The following PLEKHA8 variants were observed in gnomAD, a reference collection of about 807,000 sequenced individuals.
The protein encoded by PLEKHA8 is pleckstrin homology domain containing A8.
A neutral mutation model predicts 68.2 loss-of-function variants in PLEKHA8; 36 were observed. The ratio of observed to expected loss-of-function variants is 0.53; its 90% CI spans 0.40 to 0.70. The LOEUF (loss-of-function observed/expected upper bound fraction) is 0.70, where lower values mean the gene tolerates loss of function less well. Among genes scored for constraint, PLEKHA8 ranks in the 30% least tolerant of loss-of-function variants. PLEKHA8 has a pLI of 0.00. For missense variants in PLEKHA8, 505 were observed against 615.4 expected, an observed-to-expected ratio of 0.82 and a Z score of 1.90; for synonymous variants, 211 against 216.1, an observed-to-expected ratio of 0.98 and a Z score of 0.20.
chr7:30,049,068 A>G (rs1192377741), intron 4 of PLEKHA8, 156 bp from the exon 5 acceptor site: 5 of 821,716 alleles, frequency 6.1e-6, no homozygotes, highest in Non-Finnish European at 9.7e-6. Flanking sequence ...TACTTGATTA[A>G]TAGATAAATT....
At chr7:30,047,215 C>CT (rs554197998) in intron 3 of PLEKHA8, among the ~76,000 whole-genome samples, 21 of 149,326 alleles carry the variant, frequency 1.4e-4, no homozygotes, top group East Asian at 2.0e-4. Context: ...GTAATGTGCA[C>CT]TTTTTTTTTT....
intron 9 of PLEKHA8, 33 bp downstream of exon 9, chr7:30,055,375 A>C (rs181057965): frequency 3.8e-6 from 6 of 1,580,538 alleles, no homozygotes; most frequent in Non-Finnish European, 5.2e-6. Flanking sequence ...ACATTCATTC[A>C]TGTCTAGAAT....
chr7:30,114,549 T>C (rs1441782647), intron 13 of PLEKHA8, among the ~76,000 whole-genome samples: 2 of 152,260 alleles, frequency 1.3e-5, no homozygotes, highest in African/African-American at 2.4e-5. Context: ...TTAAGCATGT[T>C]TATTTTACAT....
intron 1 of PLEKHA8, among the ~76,000 whole-genome samples, chr7:30,040,684 G>A (rs1791462470): frequency 6.6e-6 from 1 of 152,134 alleles, no homozygotes; most frequent in African/African-American, 2.4e-5. Context: ...TGTCAAGTAT[G>A]CTTTCTGTAG....
intron 7 of PLEKHA8, 118 bp from the exon 8 acceptor site, chr7:30,054,591 T>G (rs1015053565): frequency 6.3e-6 from 4 of 630,080 alleles, no homozygotes; most frequent in African/African-American, 5.8e-5. Flanking sequence ...ATGTGAATAG[T>G]GTTTCATGAA....
intron 13 of PLEKHA8, among the ~76,000 whole-genome samples, chr7:30,125,763 A>C (rs965007723): frequency 6.6e-6 from 1 of 152,084 alleles, no homozygotes; most frequent in African/African-American, 2.4e-5. Context: ...CTACTGCTGA[A>C]TCTCTTTACT....
intron 9 of PLEKHA8, among the ~76,000 whole-genome samples, chr7:30,055,587 A>G (rs1207201387): frequency 1.3e-5 from 2 of 152,240 alleles, no homozygotes; most frequent in Non-Finnish European, 2.9e-5. Flanking sequence ...GGATCTTTCT[A>G]GAAACCATAC....
rs1013394471 is a variant in PLEKHA8, at chr7:30,028,421, T to C, written c.-342T>C. 4.1e-6 allele frequency: 1 copy of C among 245,524 alleles called. No individual in the cohort carries two copies. Among genetic ancestry groups the C allele is most frequent in the Non-Finnish European group, 7.8e-6 (1 of 128,370 alleles). The allele number at this position is 245,524 out of a possible 1,614,324, so 15.2% of individuals were successfully genotyped here. A position where few individuals can be genotyped will look rare whatever the true frequency, so the allele number is the denominator to read the frequency against. On this transcript the variant is annotated 5_prime_UTR_variant, in exon 1 of 14. Coordinates refer to ENST00000449726, the MANE Select transcript of PLEKHA8 (RefSeq NM_001197026.2). ...AGTCGAGGGTTCAGGTGGTGCGCCG[T>C]GGCGCCGCCTGCGACCGGCAGCTCG...
chr7:30,052,296 C>G (rs1241156295), intron 6 of PLEKHA8, among the ~76,000 whole-genome samples: 1 of 152,162 alleles, frequency 6.6e-6, no homozygotes, highest in East Asian at 1.9e-4. Context: ...CTTGATTTAA[C>G]AATTCTTTCA....
chr7:30,107,985 C>G (rs1796124351), intron 13 of PLEKHA8, among the ~76,000 whole-genome samples: 1 of 145,894 alleles, frequency 6.9e-6, no homozygotes, highest in Non-Finnish European at 1.5e-5. Flanking sequence ...AGGAGAATCA[C>G]TTGAACCCAG....
Position 30,062,042 on chromosome 7 carries a change from G to A in PLEKHA8, c.1229+15G>A, listed in dbSNP as rs111739900. ...TGGCTGAAGAGGTGAGGCAGCTGGG[G>A]TGGGACAGCAGTTAAAATCTAGCTC... On this transcript the variant is annotated intron_variant, in intron 11 of 13. Transcript: ENST00000449726. 15 of 1,603,434 alleles carry A rather than the reference G, an allele frequency of 9.4e-6. No individual in the cohort carries two copies. The African/African-American group carries it at 1.5e-4, about 16-fold the overall frequency.
At chr7:30,051,925 A>T (rs1280639716) in intron 6 of PLEKHA8, among the ~76,000 whole-genome samples, 1 of 152,164 alleles carries the variant, frequency 6.6e-6, no homozygotes, top group Non-Finnish European at 1.5e-5. Context: ...GTGAGCCAAG[A>T]TCACACCATT....
chr7:30,076,242 A>C (rs1794602702), intron 13 of PLEKHA8, among the ~76,000 whole-genome samples: 1 of 152,144 alleles, frequency 6.6e-6, no homozygotes, highest in Non-Finnish European at 1.5e-5. Flanking sequence ...TTTGAAAAAA[A>C]CACTATTTTT....
chr7:30,083,092 A>T lies in PLEKHA8; in HGVS notation c.*4305A>T. ...ATTTTTAGATGTAGAGTTTATAAGT[A>T]AAATATATTTTTAGCCATTGTTCTG... On this transcript the variant is annotated 3_prime_UTR_variant, in exon 14 of 14. Coordinates refer to ENST00000449726, the MANE Select transcript of PLEKHA8 (RefSeq NM_001197026.2). 2.0e-6 allele frequency: 2 copies of T among 983,782 alleles called. No individual in the cohort carries two copies. Among genetic ancestry groups the T allele is most frequent in the Non-Finnish European group, 2.4e-6 (2 of 828,484 alleles). 60.9% of individuals were successfully genotyped at this position (983,782 alleles called of 1,614,324 possible). A position where few individuals can be genotyped will look rare whatever the true frequency, so the allele number is the denominator to read the frequency against.
chr7:30,118,831 G>T (rs1796649269), intron 13 of PLEKHA8, among the ~76,000 whole-genome samples: 1 of 152,174 alleles, frequency 6.6e-6, no homozygotes, highest in African/African-American at 2.4e-5. Context: ...CCCGTCTGAG[G>T]CCCATCTTTC....
At chr7:30,072,405 A>G (rs1297578529) in intron 12 of PLEKHA8, among the ~76,000 whole-genome samples, 2 of 152,262 alleles carry the variant, frequency 1.3e-5, no homozygotes, top group African/African-American at 4.8e-5. Flanking sequence ...TTGAAATAGG[A>G]TATTCTAAAA....
At chr7:30,043,088 A>C (rs1791667229) in intron 1 of PLEKHA8, among the ~76,000 whole-genome samples, 1 of 148,614 alleles carries the variant, frequency 6.7e-6, no homozygotes, top group Non-Finnish European at 1.5e-5. Flanking sequence ...TGCAGCCTCG[A>C]CCTTCCAGGC....
chr7:30,115,614 A>G (rs960605482), intron 13 of PLEKHA8, among the ~76,000 whole-genome samples: 5 of 151,834 alleles, frequency 3.3e-5, no homozygotes, highest in Admixed American at 6.5e-5. Context: ...ACATTTATAC[A>G]TGCACACATA....
At chr7:30,052,559 T>A in intron 6 of PLEKHA8, 150 bp from the exon 7 acceptor site, 1 of 578,934 alleles carries the variant, frequency 1.7e-6, no homozygotes. Context: ...AGTAGGAGGA[T>A]TGATTGAGCC....
Sources: gnomAD v4.1 joint callset for allele counts (sites outside exome capture counted in the v4.1 genomes callset) on GRCh38, gnomAD v4.1.1 for gene constraint, MANE v1.5 for transcripts, NCBI Gene and HGNC (gene_info 2026-07-23, HGNC 2026-07-21) for gene names.